Variants in SYTL5 observed in about 807,000 individuals in gnomAD.
SYTL5 encodes the protein synaptotagmin like 5.
SYTL5 carries 34 observed loss-of-function variants against 55.9 expected under a neutral mutation model. The observed-to-expected ratio is 0.61, with a 90% CI of 0.46 to 0.81. SYTL5 has a LOEUF of 0.81. Ranked by LOEUF, SYTL5 falls within the 30% of genes least tolerant of loss-of-function variation. SYTL5 has a pLI of 0.00. For missense variants in SYTL5, 637 were observed against 546.7 expected (o/e 1.17, Z -1.65); for synonymous variants, 221 against 188.7 (o/e 1.17, Z -1.40).
rs768988108 is a variant in SYTL5 at position 38,052,728 on chromosome X, T to C, written c.120-1485T>C. ...TCCTGCCTTTGGGAAGATGCTAGTCTAGATGGGCATGACAAAGTTTAACAC... is the reference window on the plus strand; with the variant it reads ...TCCTGCCTTTGGGAAGATGCTAGTCCAGATGGGCATGACAAAGTTTAACAC... On this transcript the variant is annotated intron_variant, in intron 2 of 16. Transcript: ENST00000297875. Among the ~76,000 whole-genome samples, 5 of 112,296 alleles carry C rather than the reference T, an allele frequency of 4.5e-5. No homozygotes were observed. The South Asian group carries it at 1.9e-3, about 42-fold the overall frequency.
At position 38,072,123 on chromosome X, in the gene SYTL5, A is replaced by C. The variant is rs748686607; in HGVS notation, c.406A>C (p.Thr136Pro). The change falls in exon 4 of 17, where the codon ACT becomes CCT. Residue 136 changes from threonine (T) to proline (P), a missense_variant. Transcript: ENST00000297875. ...TTTCAAGCAAGTCAATGTTCTCGGC[A>C]CTGATGTTGTCCGACAGTCCATTTT... Reference protein sequence around the residue: ...KRFKQVNVLGTDVVRQSILRR... With the variant: ...KRFKQVNVLGPDVVRQSILRR... 1 of 1,210,394 alleles carries C rather than the reference A, an allele frequency of 8.3e-7. No individual in the cohort carries two copies. The highest frequency in any genetic ancestry group is 1.1e-6 in the Non-Finnish European group (1 of 894,379).
the SYTL5 span, among the ~76,000 whole-genome samples, chrX:37,919,476 A>G: frequency 2.7e-5 from 3 of 111,837 alleles, no homozygotes; most frequent in Non-Finnish European, 5.6e-5. Context: ...CCATATTCAT[A>G]TGCCAATTCC....
At chrX:38,040,970 G>A (rs984200985) in intron 2 of SYTL5, among the ~76,000 whole-genome samples, 9 of 111,676 alleles carry the variant, frequency 8.1e-5, no homozygotes, top group South Asian at 3.8e-4. Context: ...CTGCATCCTC[G>A]CCAGCAAATG....
chrX:38,014,369 A>T (rs374613342), intron 1 of SYTL5, among the ~76,000 whole-genome samples: 1 of 112,604 alleles, frequency 8.9e-6, no homozygotes, highest in African/African-American at 3.2e-5. Context: ...GTAACACTGG[A>T]CAAGTTACTT....
At chrX:38,118,337 T>A (rs1045027619) in intron 13 of SYTL5, among the ~76,000 whole-genome samples, 4 of 111,986 alleles carry the variant, frequency 3.6e-5, no homozygotes, top group African/African-American at 6.5e-5. Flanking sequence ...TCAGTATTTT[T>A]AATTTTTTTT....
At chrX:38,021,927 T>C (rs773952634) in intron 1 of SYTL5, among the ~76,000 whole-genome samples, 2 of 112,275 alleles carry the variant, frequency 1.8e-5, no homozygotes, top group South Asian at 7.4e-4. Flanking sequence ...CACAACATAG[T>C]CTACCCCAGT....
chrX:37,895,409 T>TTTCCTTCCTTCCTTCCTTCC, the SYTL5 span, among the ~76,000 whole-genome samples: 68 of 83,452 alleles, frequency 8.1e-4, no homozygotes, highest in East Asian at 3.2e-3. Context: ...TAGTTTTTCT[T>TTTCCTTCCTTCCTTCCTTCC]TTCCTTCCTT....
chrX:38,071,938 G>C, intron 3 of SYTL5, 109 bp from the exon 4 acceptor site: 1 of 511,732 alleles, frequency 2.0e-6, no homozygotes, highest in South Asian at 3.1e-5. Context: ...CAGAGATTGA[G>C]ATAAACTTTA....
intron 1 of SYTL5, among the ~76,000 whole-genome samples, chrX:38,017,322 C>A (rs1267900411): frequency 8.9e-6 from 1 of 112,008 alleles, no homozygotes; most frequent in African/African-American, 3.2e-5. Flanking sequence ...TAATATAACA[C>A]TGGATTAGGC....
chrX:38,099,754 T>C (rs1937037178), intron 9 of SYTL5, among the ~76,000 whole-genome samples: 1 of 111,610 alleles, frequency 9.0e-6, no homozygotes, highest in African/African-American at 3.2e-5. Flanking sequence ...ATTTTTTCTT[T>C]ATCTCATTTG....
chrX:37,902,158 A>C, the SYTL5 span, among the ~76,000 whole-genome samples: 1 of 112,048 alleles, frequency 8.9e-6, no homozygotes, highest in Non-Finnish European at 1.9e-5. Context: ...TTTTAAAATT[A>C]AAAGTGAGGT....
intron 2 of SYTL5, 85 bp from the exon 3 acceptor site, chrX:38,054,128 C>CTATTTTAGACAT: frequency 2.9e-6 from 2 of 694,219 alleles, no homozygotes; most frequent in Non-Finnish European, 4.4e-6. Flanking sequence ...AATATTCTAT[C>CTATTTTAGACAT]TATTTTAGAC....
chrX:37,990,023 C>T, the SYTL5 span, among the ~76,000 whole-genome samples: 3 of 110,263 alleles, frequency 2.7e-5, no homozygotes, highest in African/African-American at 1.0e-4. Context: ...CAGGCGCCCG[C>T]CACCACGCCC....
At chrX:37,969,313 A>G in the SYTL5 span, among the ~76,000 whole-genome samples, 1 of 111,448 alleles carries the variant, frequency 9.0e-6, no homozygotes. Flanking sequence ...TTCAGATTAA[A>G]TTTACCAAAT....
chrX:38,010,308 TAGAACTGAGCCACC>T (rs1354175425), intron 1 of SYTL5, among the ~76,000 whole-genome samples: 2 of 111,594 alleles, frequency 1.8e-5, no homozygotes, highest in African/African-American at 6.5e-5. Context: ...AGCCAGGTAT[TAGAACTGAGCCACC>T]AGATGGGGAT....
At chrX:37,902,266 G>A in the SYTL5 span, among the ~76,000 whole-genome samples, 1 of 111,974 alleles carries the variant, frequency 8.9e-6, no homozygotes, top group African/African-American at 3.2e-5. Flanking sequence ...CACCTTAATA[G>A]CAGCCTTTCT....
At chrX:37,898,431 T>A in the SYTL5 span, among the ~76,000 whole-genome samples, 1 of 112,275 alleles carries the variant, frequency 8.9e-6, no homozygotes, top group Non-Finnish European at 1.9e-5. Flanking sequence ...CTTGTCCTTG[T>A]CAAGGTTCGA....
At chrX:37,932,912 G>A in the SYTL5 span, among the ~76,000 whole-genome samples, 2 of 110,940 alleles carry the variant, frequency 1.8e-5, no homozygotes, top group Non-Finnish European at 3.8e-5. Flanking sequence ...TGTAGCTTGA[G>A]ATTCTCACAG....
chrX:38,046,672 C>T (rs1459147740), intron 2 of SYTL5, among the ~76,000 whole-genome samples: 1 of 111,584 alleles, frequency 9.0e-6, no homozygotes, highest in Non-Finnish European at 1.9e-5. Context: ...ATCATGCCTT[C>T]CCAACAGTCT....
Sources: gnomAD v4.1 joint callset for allele counts (sites outside exome capture counted in the v4.1 genomes callset) on GRCh38, gnomAD v4.1.1 for gene constraint, MANE v1.5 for transcripts, NCBI Gene and HGNC (gene_info 2026-07-23, HGNC 2026-07-21) for gene names.